Variants in PPP1R21 observed in about 807,000 individuals in gnomAD.
PPP1R21 encodes the protein KLRAQ motif containing 1.
Under a neutral mutation model 112.8 loss-of-function variants are expected in PPP1R21, and 85 were observed. The ratio of observed to expected loss-of-function variants is 0.75; its 90% CI spans 0.63 to 0.90. The LOEUF is 0.90. Among genes scored for constraint, PPP1R21 ranks in the 40% least tolerant of loss-of-function variants. The probability of loss-of-function intolerance (pLI) is 0.00; values close to 1 mark genes in which losing one functional copy is unlikely to be tolerated. For synonymous variants in PPP1R21, 381 were observed against 322.3 expected, an observed-to-expected ratio of 1.18 and a Z score of -1.95; for missense variants, 1,199 against 901.5, an observed-to-expected ratio of 1.33 and a Z score of -4.23.
At chr2:48,469,562 GAGAGCATATATATATATATAT>G (rs1668414716) in intron 9 of PPP1R21, among the ~76,000 whole-genome samples, 1 of 113,692 alleles carries the variant, frequency 8.8e-6, no homozygotes, top group Non-Finnish European at 1.8e-5. Context: ...TAGAGAGAGA[GAGAGCATATATATATATATAT>G]ATGCTAACCA....
rs1669798287 is a variant in PPP1R21 at position 48,495,561 on chromosome 2, C to A, written c.1600-118C>A. On this transcript the variant is annotated intron_variant, in intron 15 of 21. Transcript: ENST00000294952. ...CACGTGTATTAAAGAAAATAGTCTG[C>A]TTTGACATACATCTGAATTTATTGT... 3 of 635,770 alleles carry A rather than the reference C, an allele frequency of 4.7e-6. No homozygotes were observed. The South Asian group carries it at 5.8e-5, about 12-fold the overall frequency. The allele number at this position is 635,770 out of a possible 1,614,324, so 39.4% of individuals were successfully genotyped here.
At chr2:48,513,943 G>T (rs536189551) in intron 21 of PPP1R21, among the ~76,000 whole-genome samples, 1 of 152,216 alleles carries the variant, frequency 6.6e-6, no homozygotes, top group African/African-American at 2.4e-5. Context: ...TTTGTTCTCA[G>T]CCAGTATCCA....
chr2:48,468,346 A>G (rs750442279), intron 9 of PPP1R21, among the ~76,000 whole-genome samples: 11 of 152,150 alleles, frequency 7.2e-5, no homozygotes, highest in Non-Finnish European at 1.0e-4. Context: ...GCTTTCATCA[A>G]TTTTGGTCTG....
intron 21 of PPP1R21, among the ~76,000 whole-genome samples, chr2:48,511,973 A>C (rs1208561094): frequency 1.3e-5 from 2 of 152,202 alleles, no homozygotes; most frequent in African/African-American, 4.8e-5. Context: ...AAGCTGAGAA[A>C]GTCTGGCCTC....
At chr2:48,457,619 A>G (rs1667783668) in intron 3 of PPP1R21, among the ~76,000 whole-genome samples, 1 of 152,186 alleles carries the variant, frequency 6.6e-6, no homozygotes, top group Non-Finnish European at 1.5e-5. Flanking sequence ...ATTTATTTAT[A>G]ATAGCTTTAT....
At chr2:48,509,615 G>C (rs768607748) in intron 19 of PPP1R21, among the ~76,000 whole-genome samples, 1 of 151,948 alleles carries the variant, frequency 6.6e-6, no homozygotes, top group Non-Finnish European at 1.5e-5. Context: ...TGAGGCAGGA[G>C]GATCACTTGA....
chr2:48,474,949 A>G (rs1668684420), intron 12 of PPP1R21, 130 bp downstream of exon 12: 1 of 733,244 alleles, frequency 1.4e-6, no homozygotes, highest in South Asian at 2.0e-5. Context: ...TTGAATTCAA[A>G]TTCTCTAGCC....
At chr2:48,507,780 T>TTTTG (rs1670453398) in intron 19 of PPP1R21, among the ~76,000 whole-genome samples, 1 of 131,750 alleles carries the variant, frequency 7.6e-6, no homozygotes, top group East Asian at 2.1e-4. Flanking sequence ...TTTTTTTTTT[T>TTTTG]TTTGAGGTGG....
chr2:48,502,232 AT>A (rs1670150352), intron 17 of PPP1R21, among the ~76,000 whole-genome samples: 1 of 152,170 alleles, frequency 6.6e-6, no homozygotes, highest in Non-Finnish European at 1.5e-5. Flanking sequence ...AGAAGTTGCT[AT>A]TTAAATCAAC....
intron 12 of PPP1R21, 76 bp downstream of exon 12, chr2:48,474,895 G>C: frequency 7.7e-7 from 1 of 1,292,664 alleles, no homozygotes; most frequent in Non-Finnish European, 1.1e-6. Flanking sequence ...AGATGGTTTA[G>C]CTAAGTAGAG....
chr2:48,460,627 A>G (rs1452384552), intron 6 of PPP1R21, among the ~76,000 whole-genome samples: 2 of 152,224 alleles, frequency 1.3e-5, no homozygotes, highest in Non-Finnish European at 2.9e-5. Flanking sequence ...TTAGTTTTTA[A>G]TAGGATCAAC....
intron 15 of PPP1R21, among the ~76,000 whole-genome samples, chr2:48,491,628 C>T (rs1669569192): frequency 6.6e-6 from 1 of 152,008 alleles, no homozygotes; most frequent in South Asian, 2.1e-4. Context: ...CCAAATGTAG[C>T]TATAATTGAC....
intron 9 of PPP1R21, among the ~76,000 whole-genome samples, chr2:48,470,678 T>G (rs932666052): frequency 3.3e-5 from 5 of 152,234 alleles, no homozygotes; most frequent in South Asian, 2.1e-4. Context: ...CGTACAGTCT[T>G]GATTTTCAAA....
chr2:48,440,917 G>T lies in PPP1R21; in HGVS notation c.-37G>T, dbSNP rs1205891434. On this transcript the variant is annotated 5_prime_UTR_variant, in exon 1 of 22. Transcript: ENST00000294952. ...TTGGGGGCGGGAGACAGGCTGAGCC[G>T]CCTGGGCGGCCTGGCCTGTACGGGG... 1.3e-6 allele frequency: 2 copies of T among 1,503,720 alleles called. No individual in the cohort carries two copies. The highest frequency in any genetic ancestry group is 1.8e-6 in the Non-Finnish European group (2 of 1,095,188). 93.1% of individuals were successfully genotyped at this position (1,503,720 alleles called of 1,614,324 possible). A position where few individuals can be genotyped will look rare whatever the true frequency, so the allele number is the denominator to read the frequency against.
chr2:48,453,916 A>G (rs897433622), intron 2 of PPP1R21, among the ~76,000 whole-genome samples: 3 of 152,124 alleles, frequency 2.0e-5, no homozygotes, highest in Admixed American at 1.3e-4. Context: ...ATTTCTTCCC[A>G]TTCTTTTTCA....
chr2:48,471,216 G>A, intron 10 of PPP1R21, 28 bp downstream of exon 10: 4 of 1,605,116 alleles, frequency 2.5e-6, no homozygotes, highest in Non-Finnish European at 3.4e-6. Context: ...TTTACTTCTG[G>A]AAACTGGGAG....
intron 21 of PPP1R21, among the ~76,000 whole-genome samples, chr2:48,512,275 C>G (rs1024997461): frequency 6.6e-6 from 1 of 152,166 alleles, no homozygotes. Context: ...AAATGCATAT[C>G]CACATACCGT....
chr2:48,468,296 C>T (rs1022095637), intron 9 of PPP1R21, among the ~76,000 whole-genome samples: 6 of 152,124 alleles, frequency 3.9e-5, no homozygotes, highest in Admixed American at 1.3e-4. Flanking sequence ...GGATCATCAT[C>T]GTTATGTCTT....
chr2:48,488,351 G>T (rs1175759965), intron 14 of PPP1R21, among the ~76,000 whole-genome samples: 2 of 151,610 alleles, frequency 1.3e-5, no homozygotes, highest in African/African-American at 4.8e-5. Flanking sequence ...TATTTTATGA[G>T]TCTCTGTATT....
Sources: gnomAD v4.1 joint callset for allele counts (sites outside exome capture counted in the v4.1 genomes callset) on GRCh38, gnomAD v4.1.1 for gene constraint, MANE v1.5 for transcripts, NCBI Gene and HGNC (gene_info 2026-07-23, HGNC 2026-07-21) for gene names.